ZNF487: variants seen among roughly 807,000 people sequenced by gnomAD.
The protein encoded by ZNF487 is KRAB domain only 1.
ZNF487 carries 4 observed loss-of-function variants against 3.0 expected under a neutral mutation model. That is an observed-to-expected ratio of 1.35 (90% CI 0.66 to 3.08). The LOEUF is 3.08. Ranked by LOEUF, ZNF487 falls within the 30% of genes most tolerant of loss-of-function variation. The pLI is 0.01. For synonymous variants in ZNF487, 55 were observed against 34.6 expected, an observed-to-expected ratio of 1.59 and a Z score of -2.06; for missense variants, 146 against 98.7, an observed-to-expected ratio of 1.48 and a Z score of -2.03.
chr10:43,469,092 C>G (rs936205461), intron 1 of ZNF487, among the ~76,000 whole-genome samples: 2 of 151,964 alleles, frequency 1.3e-5, no homozygotes, highest in African/African-American at 4.8e-5. Context: ...GCCATCCCAG[C>G]CTTCAGCAAA....
chr10:43,501,322 G>A, the ZNF487 span, among the ~76,000 whole-genome samples: 2 of 152,176 alleles, frequency 1.3e-5, no homozygotes, highest in Admixed American at 6.6e-5. Context: ...GGCCTAGTAC[G>A]TTATTGTACA....
At chr10:43,500,105 C>T in the ZNF487 span, among the ~76,000 whole-genome samples, 1 of 152,040 alleles carries the variant, frequency 6.6e-6, no homozygotes, top group East Asian at 1.9e-4. Context: ...GAACTCCTGA[C>T]CTCAGGTGAT....
rs566320890 is a variant in ZNF487 at position 43,475,512 on chromosome 10, C to T, written c.-93-209C>T. On this transcript the variant is annotated intron_variant, in intron 1 of 3. Coordinates refer to ENST00000437590, the MANE Select transcript of ZNF487 (RefSeq NM_001355444.3). ...CCTGAGTGATAGCGCAAGACCCCGT[C>T]TGAAAAAAAAAAAAAATTAATATAC... Among the ~76,000 whole-genome samples, 4 of 149,044 alleles carry T rather than the reference C, an allele frequency of 2.7e-5. 1 individual carries two copies. In the South Asian group the frequency reaches 8.5e-4, roughly 32 times the overall value.
chr10:43,464,162 CAAAGGA>C (rs1172060122), intron 1 of ZNF487, among the ~76,000 whole-genome samples: 3 of 150,802 alleles, frequency 2.0e-5, no homozygotes, highest in African/African-American at 7.3e-5. Context: ...AATGTAAATG[CAAAGGA>C]AAACTTTTTT....
At chr10:43,483,317 C>T (rs59307177), downstream of ZNF487, 16,364 of 353,012 alleles carry the variant, frequency 0.046, 637 homozygotes, top group South Asian at 0.12. Flanking sequence ...CTTGGCTCAC[C>T]GCAACCTCTG....
chr10:43,474,965 C>T (rs1841039718), intron 1 of ZNF487, among the ~76,000 whole-genome samples: 1 of 152,012 alleles, frequency 6.6e-6, no homozygotes, highest in Non-Finnish European at 1.5e-5. Context: ...ACCAGGCCAC[C>T]ACACAGTATC....
chr10:43,445,683 AT>A (rs564459531), intron 1 of ZNF487, among the ~76,000 whole-genome samples: 14 of 147,376 alleles, frequency 9.5e-5, no homozygotes, highest in East Asian at 2.0e-4. Flanking sequence ...TTTTGTTTTA[AT>A]TTTTTTTTAG....
At chr10:43,472,777 C>G (rs892925242) in intron 1 of ZNF487, among the ~76,000 whole-genome samples, 1 of 152,068 alleles carries the variant, frequency 6.6e-6, no homozygotes, top group Non-Finnish European at 1.5e-5. Flanking sequence ...CAAATGTGCC[C>G]TTTTCCTGGA....
the ZNF487 span, among the ~76,000 whole-genome samples, chr10:43,489,375 A>G: frequency 6.6e-6 from 1 of 152,144 alleles, no homozygotes. Flanking sequence ...ATTTTTTGAG[A>G]TGGAGTCTCG....
intron 1 of ZNF487, among the ~76,000 whole-genome samples, chr10:43,450,169 G>A (rs1043256620): frequency 2.8e-4 from 43 of 152,072 alleles, no homozygotes; most frequent in Admixed American, 2.6e-3. Flanking sequence ...TCAGCCTCCC[G>A]AGTACCTGGG....
the ZNF487 span, among the ~76,000 whole-genome samples, chr10:43,489,612 C>T: frequency 1.3e-5 from 2 of 152,220 alleles, no homozygotes; most frequent in Admixed American, 1.3e-4. Context: ...CCTCCGCCTC[C>T]CAAAGTGTTG....
the ZNF487 span, among the ~76,000 whole-genome samples, chr10:43,520,795 ACG>A: frequency 1.3e-5 from 2 of 152,330 alleles, no homozygotes; most frequent in African/African-American, 4.8e-5. Context: ...GATGCTTATA[ACG>A]CAGGTCTGTG....
chr10:43,455,052 C>T (rs796201776), intron 1 of ZNF487, among the ~76,000 whole-genome samples: 4 of 150,530 alleles, frequency 2.7e-5, no homozygotes, highest in African/African-American at 7.3e-5. Flanking sequence ...TCTGTTGCCC[C>T]GTCCGGAGTG....
At chr10:43,469,300 G>A (rs1057349578) in intron 1 of ZNF487, among the ~76,000 whole-genome samples, 2 of 151,898 alleles carry the variant, frequency 1.3e-5, no homozygotes, top group African/African-American at 4.8e-5. Flanking sequence ...GGGTTCAAGC[G>A]ATTCTCCTGC....
chr10:43,482,056 C>T lies in ZNF487; in HGVS notation c.*134C>T, dbSNP rs1841384399. On this transcript the variant is annotated 3_prime_UTR_variant, in exon 4 of 4. Transcript: ENST00000437590. Reference sequence around the variant, plus strand: ...TGGTGAGAGGCCACCTGTAAATAAACACCACAGGGTTATGGAGATGAAATA... The same window carrying T: ...TGGTGAGAGGCCACCTGTAAATAAATACCACAGGGTTATGGAGATGAAATA... The T allele has an allele frequency of 3.5e-6, 2 of 578,988 alleles. No individual in the cohort carries two copies. Among genetic ancestry groups the T allele is most frequent in the East Asian group, 5.6e-5 (2 of 35,544 alleles). The allele number at this position is 578,988 out of a possible 1,614,324, so 35.9% of individuals were successfully genotyped here. A position where few individuals can be genotyped will look rare whatever the true frequency, so the allele number is the denominator to read the frequency against.
chr10:43,477,519 C>A (rs772466585), intron 3 of ZNF487, among the ~76,000 whole-genome samples: 1 of 150,978 alleles, frequency 6.6e-6, no homozygotes, highest in Non-Finnish European at 1.5e-5. Context: ...ATTGTTAAGA[C>A]GAAATAATGT....
At chr10:43,462,944 A>AT (rs917341755) in intron 1 of ZNF487, among the ~76,000 whole-genome samples, 1 of 148,196 alleles carries the variant, frequency 6.7e-6, no homozygotes, top group Non-Finnish European at 1.5e-5. Flanking sequence ...TAATTAAAAA[A>AT]TTTTTTTTGG....
chr10:43,486,324 C>T (rs1175254391), downstream of ZNF487, among the ~76,000 whole-genome samples: 3 of 152,000 alleles, frequency 2.0e-5, no homozygotes, highest in African/African-American at 4.8e-5. Context: ...GTTGGGAGTT[C>T]GAGACCAGCC....
chr10:43,504,111 A>G, the ZNF487 span, among the ~76,000 whole-genome samples: 1 of 152,136 alleles, frequency 6.6e-6, no homozygotes, highest in African/African-American at 2.4e-5. Flanking sequence ...ACCTAATGAC[A>G]TATTTCTCAG....
Sources: allele counts gnomAD v4.1 joint callset (sites outside exome capture counted in the v4.1 genomes callset), GRCh38; gene constraint gnomAD v4.1.1; transcripts MANE v1.5; gene names NCBI Gene and HGNC (gene_info 2026-07-23, HGNC 2026-07-21).